MBNL2: variants seen among roughly 807,000 people sequenced by gnomAD.
MBNL2 encodes muscleblind like splicing regulator 2.
In MBNL2, 17 loss-of-function variants were observed where a neutral mutation model predicts 41.9. That is an observed-to-expected ratio of 0.41 (90% CI 0.28 to 0.61). The LOEUF is 0.61. Ranked by LOEUF, MBNL2 falls within the 20% of genes least tolerant of loss-of-function variation. The probability of loss-of-function intolerance (pLI) is 0.35; values close to 1 mark genes in which losing one functional copy is unlikely to be tolerated. For missense variants in MBNL2, 336 were observed against 505.6 expected, an observed-to-expected ratio of 0.66 and a Z score of 3.22; for synonymous variants, 195 against 182.9, an observed-to-expected ratio of 1.07 and a Z score of -0.53.
intron 8 of MBNL2, among the ~76,000 whole-genome samples, chr13:97,384,436 G>A (rs2065762149): frequency 6.6e-6 from 1 of 152,174 alleles, no homozygotes; most frequent in Non-Finnish European, 1.5e-5. Context: ...TGCTTCAACT[G>A]AAAGATCTCA....
intron 2 of MBNL2, among the ~76,000 whole-genome samples, chr13:97,296,562 G>C (rs989675196): frequency 1.3e-5 from 2 of 152,126 alleles, no homozygotes; most frequent in Non-Finnish European, 2.9e-5. Context: ...GAATTTTTCA[G>C]TGTAGCTATT....
At chr13:97,264,747 G>A (rs2049384820) in intron 1 of MBNL2, among the ~76,000 whole-genome samples, 1 of 152,234 alleles carries the variant, frequency 6.6e-6, no homozygotes, top group East Asian at 1.9e-4. Flanking sequence ...CCATTAGGCT[G>A]GTCACTGGAG....
At chr13:97,379,331 C>A (rs770283511) in intron 8 of MBNL2, among the ~76,000 whole-genome samples, 25 of 152,150 alleles carry the variant, frequency 1.6e-4, no homozygotes, top group Non-Finnish European at 3.4e-4. Context: ...AAAACTGGCA[C>A]ACAACTTCTG....
the MBNL2 span, among the ~76,000 whole-genome samples, chr13:97,143,425 T>C: frequency 6.6e-6 from 1 of 152,194 alleles, no homozygotes; most frequent in Admixed American, 6.5e-5. Context: ...CCCTGTGCCG[T>C]TGAAATCTAT....
chr13:97,359,495 A>G (rs2063233940), intron 7 of MBNL2, among the ~76,000 whole-genome samples: 1 of 152,210 alleles, frequency 6.6e-6, no homozygotes, highest in South Asian at 2.1e-4. Context: ...TCACTTTAAA[A>G]TGTTTCACCT....
the MBNL2 span, among the ~76,000 whole-genome samples, chr13:97,213,915 T>C: frequency 6.6e-6 from 1 of 151,910 alleles, no homozygotes; most frequent in African/African-American, 2.4e-5. Flanking sequence ...TGCTATATGC[T>C]TCATCTATTC....
intron 2 of MBNL2, among the ~76,000 whole-genome samples, chr13:97,302,632 T>C (rs547684269): frequency 1.3e-3 from 196 of 152,354 alleles, no homozygotes; most frequent in Middle Eastern, 6.8e-3. Context: ...GACTGGTATG[T>C]GGCAGAGTTG....
the MBNL2 span, among the ~76,000 whole-genome samples, chr13:97,156,945 C>A: frequency 6.6e-6 from 1 of 151,702 alleles, no homozygotes; most frequent in Non-Finnish European, 1.5e-5. Context: ...TCATTGGTAG[C>A]TTGATGGGGA....
chr13:97,228,138 T>C (rs577185400), intron 1 of MBNL2, among the ~76,000 whole-genome samples: 6 of 152,282 alleles, frequency 3.9e-5, no homozygotes, highest in South Asian at 2.1e-4. Context: ...ATATCTCATA[T>C]AATTTGAACC....
chr13:97,382,324 C>T (rs2153160150), intron 8 of MBNL2, among the ~76,000 whole-genome samples: 1 of 152,380 alleles, frequency 6.6e-6, no homozygotes, highest in African/African-American at 2.4e-5. Flanking sequence ...AGTGCTAAAG[C>T]ATGGCCCAGG....
intron 8 of MBNL2, among the ~76,000 whole-genome samples, chr13:97,365,492 G>A (rs75904342): frequency 0.02 from 3,035 of 152,206 alleles, 94 homozygotes; most frequent in African/African-American, 0.062. Context: ...CTCTATCAGC[G>A]AGGCAGGCTA....
intron 8 of MBNL2, among the ~76,000 whole-genome samples, chr13:97,387,996 T>TG (rs761783133): frequency 2.8e-4 from 43 of 152,068 alleles, no homozygotes; most frequent in Non-Finnish European, 5.7e-4. Flanking sequence ...TGCTGTGCCT[T>TG]GGAGGTTGAG....
chr13:97,257,958 GAC>G (rs2047876762), intron 1 of MBNL2, among the ~76,000 whole-genome samples: 1 of 152,214 alleles, frequency 6.6e-6, no homozygotes, highest in Non-Finnish European at 1.5e-5. Flanking sequence ...TTACCATGGA[GAC>G]ACAGCACAGG....
chr13:97,235,859 T>C (rs1279008995), intron 1 of MBNL2, among the ~76,000 whole-genome samples: 1 of 151,844 alleles, frequency 6.6e-6, no homozygotes, highest in Admixed American at 6.6e-5. Context: ...CTCCCCATCT[T>C]GCTCCCTAGT....
the MBNL2 span, among the ~76,000 whole-genome samples, chr13:97,199,213 C>G: frequency 2.0e-5 from 3 of 152,206 alleles, no homozygotes; most frequent in African/African-American, 7.2e-5. Context: ...AACTGGCTCC[C>G]TTACATCGTT....
chr13:97,347,790 C>T (rs1347724980), intron 5 of MBNL2, among the ~76,000 whole-genome samples: 2 of 152,168 alleles, frequency 1.3e-5, no homozygotes, highest in East Asian at 3.9e-4. Context: ...GCCTAACTGT[C>T]CCTTAGAGAC....
At chr13:97,361,481 G>A (rs1157084566) in intron 7 of MBNL2, among the ~76,000 whole-genome samples, 1 of 152,180 alleles carries the variant, frequency 6.6e-6, no homozygotes, top group Non-Finnish European at 1.5e-5. Context: ...CTGGCATTAA[G>A]GGAGCCACAC....
At chr13:97,169,120 A>C in the MBNL2 span, among the ~76,000 whole-genome samples, 490 of 152,300 alleles carry the variant, frequency 3.2e-3, 4 homozygotes, top group African/African-American at 0.011. Flanking sequence ...TGCCCTCTAC[A>C]CAGCCTCCCT....
intron 7 of MBNL2, among the ~76,000 whole-genome samples, chr13:97,360,759 G>C (rs1275112986): frequency 6.6e-6 from 1 of 152,204 alleles, no homozygotes; most frequent in Non-Finnish European, 1.5e-5. Flanking sequence ...GAAAACATTT[G>C]AGAAGTCTTT....
Sources: allele counts gnomAD v4.1 joint callset (sites outside exome capture counted in the v4.1 genomes callset), GRCh38; gene constraint gnomAD v4.1.1; transcripts MANE v1.5; gene names NCBI Gene and HGNC (gene_info 2026-07-23, HGNC 2026-07-21).